Variants in DMD observed in about 807,000 individuals in gnomAD.
DMD encodes dystrophin, also known as mutant dystrophin.
In DMD, 63 loss-of-function variants were observed where a neutral mutation model predicts 330.1. The ratio of observed to expected loss-of-function variants is 0.19; its 90% CI spans 0.16 to 0.24. The LOEUF (loss-of-function observed/expected upper bound fraction) is 0.24, where lower values mean the gene tolerates loss of function less well. Ranked by LOEUF, DMD falls within the 10% of genes least tolerant of loss-of-function variation. The pLI, the probability that DMD is intolerant of heterozygous loss-of-function variation, is 1.00. For missense variants in DMD, 3,344 were observed against 2,684.1 expected (o/e 1.25, Z -5.43); for synonymous variants, 1,223 against 959.8 (o/e 1.27, Z -5.07).
intron 2 of DMD, among the ~76,000 whole-genome samples, chrX:32,966,061 G>T (rs910786867): frequency 8.9e-6 from 1 of 112,233 alleles, no homozygotes; most frequent in Non-Finnish European, 1.9e-5. Context: ...TTCAGAGTAA[G>T]TAGGATTCTC....
intron 2 of DMD, among the ~76,000 whole-genome samples, chrX:32,929,398 C>T (rs1304844918): frequency 9.8e-6 from 1 of 102,329 alleles, no homozygotes; most frequent in Non-Finnish European, 2.0e-5. Flanking sequence ...GGGTGACATG[C>T]TGGAAAGAGG....
intron 55 of DMD, among the ~76,000 whole-genome samples, chrX:31,530,099 T>C (rs1372491290): frequency 1.8e-5 from 2 of 111,816 alleles, no homozygotes; most frequent in African/African-American, 6.5e-5. Flanking sequence ...ATACCTGATA[T>C]GTAATACAGA....
intron 44 of DMD, among the ~76,000 whole-genome samples, chrX:32,058,602 T>A (rs1161776686): frequency 9.8e-6 from 1 of 101,646 alleles, no homozygotes; most frequent in Non-Finnish European, 2.0e-5. Flanking sequence ...GATCATTACA[T>A]GTGTTGGTGA....
intron 2 of DMD, among the ~76,000 whole-genome samples, chrX:32,858,205 G>A (rs2081750020): frequency 8.9e-6 from 1 of 112,219 alleles, no homozygotes; most frequent in Non-Finnish European, 1.9e-5. Flanking sequence ...CCTGGAGTCT[G>A]GCAGTATAAA....
At chrX:33,207,754 T>C (rs769439043) in intron 1 of DMD, among the ~76,000 whole-genome samples, 3 of 111,938 alleles carry the variant, frequency 2.7e-5, no homozygotes, top group East Asian at 5.6e-4. Flanking sequence ...ATGTTTTACG[T>C]AGGGAAAAGG....
At chrX:33,026,058 G>A (rs1283803012) in intron 1 of DMD, among the ~76,000 whole-genome samples, 1 of 110,002 alleles carries the variant, frequency 9.1e-6, no homozygotes, top group Admixed American at 9.7e-5. Flanking sequence ...CTATGAAGCC[G>A]GGCGCAGTGG....
chrX:32,831,238 G>A (rs140079686), intron 4 of DMD, among the ~76,000 whole-genome samples: 1,174 of 110,461 alleles, frequency 0.011, 14 homozygotes, highest in East Asian at 0.058. Context: ...CAGGAACATG[G>A]ATGTAATTTC....
chrX:31,419,768 C>G (rs940002448), intron 60 of DMD, among the ~76,000 whole-genome samples: 1 of 111,685 alleles, frequency 9.0e-6, no homozygotes, highest in Non-Finnish European at 1.9e-5. Flanking sequence ...GGGTCCTTTT[C>G]TTATTTGGAA....
At chrX:32,736,145 G>A (rs893147929) in intron 7 of DMD, among the ~76,000 whole-genome samples, 5 of 112,388 alleles carry the variant, frequency 4.4e-5, no homozygotes, top group African/African-American at 1.6e-4. Context: ...CATTTATGCA[G>A]CCAAAAGACA....
intron 1 of DMD, among the ~76,000 whole-genome samples, chrX:33,146,226 C>T (rs1256014371): frequency 9.1e-6 from 1 of 110,307 alleles, no homozygotes. Flanking sequence ...AAAACATTTT[C>T]GTCAGCCCAA....
intron 51 of DMD, among the ~76,000 whole-genome samples, chrX:31,750,248 G>A (rs2088396575): frequency 9.3e-6 from 1 of 107,701 alleles, no homozygotes; most frequent in South Asian, 4.2e-4. Context: ...GTAATGCCTA[G>A]GTTTTCTTCT....
intron 7 of DMD, among the ~76,000 whole-genome samples, chrX:32,752,223 C>G (rs1210426183): frequency 9.0e-6 from 1 of 111,512 alleles, no homozygotes; most frequent in African/African-American, 3.3e-5. Context: ...ACAATCAATG[C>G]CAGCTCATGA....
rs752720397 is a variant in DMD, at chrX:32,565,880, A to T, written c.1814T>A (p.Val605Asp). 4.1e-6 allele frequency: 5 copies of T among 1,206,540 alleles called. No individual in the cohort carries two copies. The highest frequency in any genetic ancestry group is 5.6e-6 in the Non-Finnish European group (5 of 891,636). ...TTTCTTTTCTAGATCCGCTTTTAAA[A>T]CCTGTTAAAACAAGAAAGATCACAG... ...EMLSSLQKLA[V>D]LKADLEKKKQ... The change falls in exon 16 of 79, where the codon GTT becomes GAT. Residue 605 changes from valine to aspartate, a missense_variant and splice_region_variant. Coordinates refer to ENST00000357033, the MANE Select transcript of DMD (RefSeq NM_004006.3).
chrX:33,136,278 CAAAAAAAAAAAAAAA>C (rs57297863), intron 1 of DMD, among the ~76,000 whole-genome samples: 3 of 19,717 alleles, frequency 1.5e-4, no homozygotes, highest in Non-Finnish European at 2.2e-4. Flanking sequence ...GACCCCGTCT[CAAAAAAAAAAAAAAA>C]AAAAAAAAAA....
chrX:32,396,602 T>C, intron 30 of DMD, among the ~76,000 whole-genome samples: 1 of 108,865 alleles, frequency 9.2e-6, no homozygotes. Flanking sequence ...TTTGTAGATG[T>C]TATCCTTTTG....
At position 32,520,844 on chromosome X, in the gene DMD, C is replaced by CTT. The variant is rs746203243; in HGVS notation, c.2169-2715_2169-2714dup. ...CAAATGAACCTAGCATCCTGCCATA[C>CTT]TTTTTTTTTTTTTTTTTTTTCCCAA... On this transcript the variant is annotated intron_variant, in intron 17 of 78. Coordinates refer to ENST00000357033, the MANE Select transcript of DMD (RefSeq NM_004006.3). Among the ~76,000 whole-genome samples the CTT allele has an allele frequency of 1.0e-4, 9 of 87,921 alleles. No homozygotes were observed. The East Asian group carries it at 1.1e-3, about 10-fold the overall frequency. 76.3% of individuals were successfully genotyped at this position (87,921 alleles called of 115,157 possible).
rs1178105141 is a variant in DMD, at chrX:32,248,227, T to C, written c.6291-31164A>G. ...AATGCTCAGGTACAGCCAATACTTA[T>C]ATATGAATTTTAATAATCAATATTT... is the stretch of plus-strand genomic sequence containing the variant. On this transcript the variant is annotated intron_variant, in intron 43 of 78. Coordinates refer to ENST00000357033, the MANE Select transcript of DMD (RefSeq NM_004006.3). Among the ~76,000 whole-genome samples, 3 of 111,732 alleles carry C rather than the reference T, an allele frequency of 2.7e-5. No individual in the cohort carries two copies. The East Asian group carries it at 8.4e-4, about 31-fold the overall frequency.
chrX:31,256,735 G>A (rs1446854903), intron 63 of DMD, among the ~76,000 whole-genome samples: 1 of 90,174 alleles, frequency 1.1e-5, no homozygotes, highest in African/African-American at 4.6e-5. Flanking sequence ...CTACATATAT[G>A]TGGGGCGTGT....
intron 41 of DMD, among the ~76,000 whole-genome samples, chrX:32,332,501 T>C (rs1330528742): frequency 9.3e-6 from 1 of 107,049 alleles, no homozygotes; most frequent in East Asian, 2.9e-4. Context: ...AGTAAAGAAG[T>C]TAAGGCAGAA....
Sources: allele counts gnomAD v4.1 joint callset (sites outside exome capture counted in the v4.1 genomes callset), GRCh38; gene constraint gnomAD v4.1.1; transcripts MANE v1.5; gene names NCBI Gene and HGNC (gene_info 2026-07-23, HGNC 2026-07-21).